The following ZNF487 variants were observed in gnomAD, a reference collection of about 807,000 sequenced individuals.
ZNF487 encodes KRAB domain only 1.
Under a neutral mutation model 3.0 loss-of-function variants are expected in ZNF487, and 4 were observed. The ratio of observed to expected loss-of-function variants is 1.35; its 90% CI spans 0.66 to 3.08. The LOEUF (loss-of-function observed/expected upper bound fraction) is 3.08, where lower values mean the gene tolerates loss of function less well. ZNF487 is among the 30% of genes most tolerant of loss of function. The pLI is 0.01. For synonymous variants in ZNF487, 55 were observed against 34.6 expected (o/e 1.59, Z -2.06); for missense variants, 146 against 98.7 (o/e 1.48, Z -2.03).
chr10:43,467,026 C>T (rs1840730648), intron 1 of ZNF487, among the ~76,000 whole-genome samples: 1 of 151,848 alleles, frequency 6.6e-6, no homozygotes, highest in Admixed American at 6.6e-5. Context: ...TGCTGCCACA[C>T]CCAGCTAATT....
chr10:43,446,377 G>A (rs573901757), intron 1 of ZNF487, among the ~76,000 whole-genome samples: 23 of 149,888 alleles, frequency 1.5e-4, no homozygotes, highest in African/African-American at 3.7e-4. Flanking sequence ...GCTGCCAGGC[G>A]GAGAGGCTCC....
chr10:43,457,500 A>C (rs1282068200), intron 1 of ZNF487, among the ~76,000 whole-genome samples: 1 of 148,366 alleles, frequency 6.7e-6, no homozygotes, highest in East Asian at 2.0e-4. Flanking sequence ...GGTTGCAGTG[A>C]GCCGAGATTG....
intron 1 of ZNF487, among the ~76,000 whole-genome samples, chr10:43,445,995 A>G (rs1034163466): frequency 6.6e-6 from 1 of 152,194 alleles, no homozygotes; most frequent in African/African-American, 2.4e-5. Context: ...TGGGGTTGGG[A>G]GTAAGGTTAT....
intron 1 of ZNF487, among the ~76,000 whole-genome samples, chr10:43,460,380 C>CTT (rs199998705): frequency 0.038 from 4,603 of 121,058 alleles, 311 homozygotes; most frequent in African/African-American, 0.14. Context: ...TTCTTTCTTT[C>CTT]TTTTTTTTTT....
upstream of ZNF487, chr10:43,437,053 C>T: frequency 3.1e-6 from 1 of 321,760 alleles, no homozygotes. Flanking sequence ...GCGCAGGGAG[C>T]GCTGGACTGG....
chr10:43,482,436 C>G lies in ZNF487; in HGVS notation c.*514C>G, dbSNP rs570794181. The G allele has an allele frequency of 2.0e-4, 96 of 471,324 alleles. 2 individuals are homozygous for G. The highest frequency in any genetic ancestry group is 1.4e-3 in the South Asian group (91 of 65,032). 29.2% of individuals were successfully genotyped at this position (471,324 alleles called of 1,614,324 possible). A position where few individuals can be genotyped will look rare whatever the true frequency, so the allele number is the denominator to read the frequency against. ...TATGAATGCACTGAATGTGGGAAAA[C>G]TTTTGGATATAGGTCATGCCTTGCA... On this transcript the variant is annotated 3_prime_UTR_variant, in exon 4 of 4. Transcript: ENST00000437590.
At chr10:43,481,290 C>T in intron 3 of ZNF487, 139 bp from the exon 4 acceptor site, 1 of 595,534 alleles carries the variant, frequency 1.7e-6, no homozygotes, top group Non-Finnish European at 2.9e-6. Context: ...ATGATCACAC[C>T]ACTGCACAAT....
At chr10:43,518,003 T>C in the ZNF487 span, among the ~76,000 whole-genome samples, 1 of 152,186 alleles carries the variant, frequency 6.6e-6, no homozygotes. Flanking sequence ...CAGGCAGTCG[T>C]CCTAGCACTG....
intron 1 of ZNF487, among the ~76,000 whole-genome samples, chr10:43,455,522 T>C (rs1840154624): frequency 6.6e-6 from 1 of 152,238 alleles, no homozygotes; most frequent in Admixed American, 6.5e-5. Flanking sequence ...CACGTCCGGG[T>C]CAACGCCTGA....
rs745778471 is a variant in ZNF487, at chr10:43,482,499, T to C, written c.*577T>C. 2 of 474,924 alleles carry C rather than the reference T, an allele frequency of 4.2e-6. No homozygotes were observed. The highest frequency in any genetic ancestry group is 8.6e-6 in the Non-Finnish European group (2 of 232,278). 29.4% of individuals were successfully genotyped at this position (474,924 alleles called of 1,614,324 possible). A position where few individuals can be genotyped will look rare whatever the true frequency, so the allele number is the denominator to read the frequency against. On this transcript the variant is annotated 3_prime_UTR_variant, in exon 4 of 4. Coordinates refer to ENST00000437590, the MANE Select transcript of ZNF487 (RefSeq NM_001355444.3). ...ACACACACGGGACAAAACCTATGAA[T>C]GTAATGAATGTGGAAAAAACTTCTG...
chr10:43,508,942 C>T, the ZNF487 span, among the ~76,000 whole-genome samples: 1 of 152,066 alleles, frequency 6.6e-6, no homozygotes, highest in South Asian at 2.1e-4. Context: ...CACGGTGGCT[C>T]CCAGCATTTC....
chr10:43,496,762 T>C, the ZNF487 span, among the ~76,000 whole-genome samples: 94 of 152,292 alleles, frequency 6.2e-4, no homozygotes, highest in African/African-American at 2.1e-3. Context: ...CTCTTCCAGG[T>C]TGCAGACTGC....
the ZNF487 span, among the ~76,000 whole-genome samples, chr10:43,500,983 C>A: frequency 6.6e-6 from 1 of 152,180 alleles, no homozygotes; most frequent in Non-Finnish European, 1.5e-5. Context: ...CACTCTGGGA[C>A]ATGTTAGGCA....
chr10:43,463,407 G>A (rs977521885), intron 1 of ZNF487, among the ~76,000 whole-genome samples: 2 of 145,910 alleles, frequency 1.4e-5, no homozygotes, highest in African/African-American at 5.1e-5. Context: ...GCGTGGTGGT[G>A]CACACTTGTA....
the ZNF487 span, among the ~76,000 whole-genome samples, chr10:43,489,607 G>A: frequency 5.3e-5 from 8 of 152,058 alleles, no homozygotes; most frequent in Non-Finnish European, 1.0e-4. Flanking sequence ...TCCTGCCTCC[G>A]CCTCCCAAAG....
intron 1 of ZNF487, among the ~76,000 whole-genome samples, chr10:43,467,044 ATT>A (rs1001081472): frequency 6.8e-6 from 1 of 146,422 alleles, no homozygotes; most frequent in Admixed American, 6.8e-5. Context: ...ATTGTTTTGT[ATT>A]TTTTTTTTAG....
At chr10:43,463,640 T>G (rs1840521183) in intron 1 of ZNF487, among the ~76,000 whole-genome samples, 1 of 151,680 alleles carries the variant, frequency 6.6e-6, no homozygotes, top group African/African-American at 2.4e-5. Flanking sequence ...CCATCCCACC[T>G]TGGTCCCCCA....
downstream of ZNF487, among the ~76,000 whole-genome samples, chr10:43,484,622 T>A (rs548940324): frequency 7.2e-5 from 11 of 152,142 alleles, no homozygotes; most frequent in African/African-American, 2.6e-4. Flanking sequence ...AAAAGTTTCG[T>A]GATTTCTTTA....
chr10:43,493,709 A>AAAAAAAAAAAAAAAAAAATAT, the ZNF487 span, among the ~76,000 whole-genome samples: 1 of 43,720 alleles, frequency 2.3e-5, no homozygotes, highest in African/African-American at 8.7e-5. Context: ...AAAAAAAAAA[A>AAAAAAAAAAAAAAAAAAATAT]ATATATATAT....
Sources: allele counts gnomAD v4.1 joint callset (sites outside exome capture counted in the v4.1 genomes callset), GRCh38; gene constraint gnomAD v4.1.1; transcripts MANE v1.5; gene names NCBI Gene and HGNC (gene_info 2026-07-23, HGNC 2026-07-21).